Variants in PCYT1B observed in about 807,000 individuals in gnomAD.
PCYT1B encodes phosphate cytidylyltransferase 1B, choline, also known as choline-phosphate cytidylyltransferase B.
A neutral mutation model predicts 26.4 loss-of-function variants in PCYT1B; 10 were observed. The observed-to-expected ratio is 0.38, with a 90% CI of 0.23 to 0.64. The LOEUF (loss-of-function observed/expected upper bound fraction) is 0.64, where lower values mean the gene tolerates loss of function less well. Ranked by LOEUF, PCYT1B falls within the 30% of genes least tolerant of loss-of-function variation. The pLI, the probability that PCYT1B is intolerant of heterozygous loss-of-function variation, is 0.56. For missense variants in PCYT1B, 161 were observed against 292.7 expected, an observed-to-expected ratio of 0.55 and a Z score of 3.28; for synonymous variants, 131 against 108.4, an observed-to-expected ratio of 1.21 and a Z score of -1.29.
intron 1 of PCYT1B, among the ~76,000 whole-genome samples, chrX:24,626,045 C>T (rs185105224): frequency 1.1e-3 from 121 of 108,850 alleles, no homozygotes; most frequent in African/African-American, 3.9e-3. Context: ...ACTTGGGAGG[C>T]GGAGGTTGCA....
intron 5 of PCYT1B, among the ~76,000 whole-genome samples, chrX:24,586,672 A>G (rs921627251): frequency 1.4e-4 from 16 of 112,357 alleles, no homozygotes; most frequent in African/African-American, 4.9e-4. Context: ...TACAGTGCCT[A>G]TAGATGAGAT....
intron 1 of PCYT1B, among the ~76,000 whole-genome samples, chrX:24,644,889 G>A (rs950811535): frequency 7.2e-5 from 8 of 111,343 alleles, no homozygotes; most frequent in Non-Finnish European, 1.5e-4. Flanking sequence ...GCAAAACCCC[G>A]TCTCTACCAA....
intron 6 of PCYT1B, among the ~76,000 whole-genome samples, chrX:24,577,788 G>T (rs917164519): frequency 8.9e-6 from 1 of 111,764 alleles, no homozygotes; most frequent in South Asian, 3.7e-4. Context: ...TATTTTGGGG[G>T]TTAGAATTCT....
chrX:24,614,998 T>A (rs1375066904), intron 2 of PCYT1B, among the ~76,000 whole-genome samples: 3 of 111,754 alleles, frequency 2.7e-5, no homozygotes, highest in Non-Finnish European at 5.6e-5. Context: ...TTTTGCATTT[T>A]TAGTAGAGAT....
At chrX:24,593,818 C>A (rs1052280421) in intron 3 of PCYT1B, among the ~76,000 whole-genome samples, 1 of 111,156 alleles carries the variant, frequency 9.0e-6, no homozygotes, top group African/African-American at 3.3e-5. Context: ...TGAGCCACCG[C>A]GCCTGGCCTA....
At chrX:24,646,387 G>A (rs1319149412) in intron 1 of PCYT1B, among the ~76,000 whole-genome samples, 1 of 111,613 alleles carries the variant, frequency 9.0e-6, no homozygotes, top group Non-Finnish European at 1.9e-5. Flanking sequence ...TCCACTACCT[G>A]AAGAGAAACC....
intron 1 of PCYT1B, 102 bp downstream of exon 1, chrX:24,646,887 T>A (rs1926645017): frequency 4.7e-6 from 3 of 638,860 alleles, no homozygotes; most frequent in Non-Finnish European, 7.6e-6. Context: ...CTCATTTACA[T>A]GAAAATCCTC....
At chrX:24,571,258 G>A (rs1325547270) in intron 7 of PCYT1B, among the ~76,000 whole-genome samples, 1 of 111,223 alleles carries the variant, frequency 9.0e-6, no homozygotes, top group Non-Finnish European at 1.9e-5. Context: ...TAGCTACTCG[G>A]GAGGCTGAGG....
chrX:24,602,122 T>C (rs1452013084), intron 3 of PCYT1B, among the ~76,000 whole-genome samples: 1 of 112,231 alleles, frequency 8.9e-6, no homozygotes, highest in East Asian at 2.8e-4. Flanking sequence ...GATGAATGGA[T>C]AAACTGTGGT....
intron 1 of PCYT1B, among the ~76,000 whole-genome samples, chrX:24,669,621 G>A (rs748401387): frequency 9.1e-5 from 10 of 109,631 alleles, no homozygotes; most frequent in Admixed American, 4.9e-4. Flanking sequence ...TGTGGTTAGC[G>A]GCTACCTTAT....
At position 24,587,299 on chromosome X, in the gene PCYT1B, A is replaced by G; in HGVS notation, c.507T>C (p.Asp169=). 8.3e-7 allele frequency: 1 copy of G among 1,200,125 alleles called. No individual in the cohort carries two copies. The highest frequency in any genetic ancestry group is 1.8e-5 in the South Asian group (1 of 56,642). Residue 169 remains aspartate (D), a synonymous_variant, in exon 5 of 8, where the codon GAT becomes GAC. Transcript: ENST00000379144. The part of the protein sequence containing the change: ...EKHKIDFVAH[D]DIPYSSAGSD... The stretch of plus-strand genomic sequence containing the variant: ...AGCCAGCAGAGGAATACGGAATGTC[A>G]TCATGAGCCACAAAGTCAATCTGTT...
At chrX:24,629,346 G>A (rs1000071336) in intron 1 of PCYT1B, among the ~76,000 whole-genome samples, 4 of 108,853 alleles carry the variant, frequency 3.7e-5, no homozygotes, top group Admixed American at 2.0e-4. Context: ...CAGGCAGATC[G>A]CCTGAGTTCA....
intron 1 of PCYT1B, among the ~76,000 whole-genome samples, chrX:24,671,511 A>C: frequency 9.0e-6 from 1 of 111,480 alleles, no homozygotes; most frequent in Non-Finnish European, 1.9e-5. Flanking sequence ...TCAGTCATGT[A>C]GCTCAAGTGT....
chrX:24,599,084 A>G (rs1227469451), intron 3 of PCYT1B, among the ~76,000 whole-genome samples: 1 of 111,870 alleles, frequency 8.9e-6, no homozygotes. Context: ...AAGTAAAAGA[A>G]TAAGGGATAT....
chrX:24,579,964 CAGG>C, intron 5 of PCYT1B, among the ~76,000 whole-genome samples: 2 of 111,806 alleles, frequency 1.8e-5, no homozygotes, highest in South Asian at 7.6e-4. Context: ...CATTTGAGTC[CAGG>C]AGTTCGAGAT....
intron 1 of PCYT1B, among the ~76,000 whole-genome samples, chrX:24,665,436 G>A (rs770721525): frequency 2.7e-5 from 3 of 110,400 alleles, no homozygotes; most frequent in South Asian, 3.9e-4. Context: ...GATTACAGGC[G>A]CGTGCCACCA....
intron 1 of PCYT1B, among the ~76,000 whole-genome samples, chrX:24,644,857 C>A (rs997349096): frequency 1.8e-5 from 2 of 111,645 alleles, no homozygotes; most frequent in African/African-American, 6.5e-5. Context: ...GGCAGGAGTT[C>A]GAGACCAGCC....
chrX:24,620,558 G>C (rs1266425658), intron 1 of PCYT1B, among the ~76,000 whole-genome samples: 3 of 112,066 alleles, frequency 2.7e-5, no homozygotes, highest in Non-Finnish European at 5.6e-5. Flanking sequence ...AGTGGCATTT[G>C]TAATGTAGCA....
rs1165733248 is a variant in PCYT1B at position 24,561,215 on chromosome X, T to C, written c.*1078A>G. On this transcript the variant is annotated 3_prime_UTR_variant, in exon 8 of 8. Transcript: ENST00000379144. ...CTTGAGACCAAGGATTTCAGAGGAG[T>C]ATTATGGTGGAGCGCAGGAGTGGGG... 6.3e-5 allele frequency: 7 copies of C among 110,882 alleles called. No homozygotes were observed. Among genetic ancestry groups the C allele is most frequent in the Non-Finnish European group, 1.3e-4 (7 of 52,844 alleles). 9.1% of individuals were successfully genotyped at this position (110,882 alleles called of 1,213,427 possible). A position where few individuals can be genotyped will look rare whatever the true frequency, so the allele number is the denominator to read the frequency against.
Sources: gnomAD v4.1 joint callset for allele counts (sites outside exome capture counted in the v4.1 genomes callset) on GRCh38, gnomAD v4.1.1 for gene constraint, MANE v1.5 for transcripts, NCBI Gene and HGNC (gene_info 2026-07-23, HGNC 2026-07-21) for gene names.